The following NCALD variants were observed in gnomAD, a reference collection of about 807,000 sequenced individuals.
NCALD encodes the protein neurocalcin-delta.
Under a neutral mutation model 18.6 loss-of-function variants are expected in NCALD, and 10 were observed. The ratio of observed to expected loss-of-function variants is 0.54; its 90% CI spans 0.33 to 0.91. The LOEUF (loss-of-function observed/expected upper bound fraction) is 0.91. Among genes scored for constraint, NCALD ranks in the 40% least tolerant of loss-of-function variants. The pLI is 0.03. For synonymous variants in NCALD, 88 were observed against 87.4 expected (o/e 1.01, Z -0.04); for missense variants, 184 against 247.6 (o/e 0.74, Z 1.72).
chr8:101,907,655 G>A (rs1331468684), intron 3 of NCALD, among the ~76,000 whole-genome samples: 2 of 152,062 alleles, frequency 1.3e-5, no homozygotes, highest in Admixed American at 1.3e-4. Flanking sequence ...AACCCGCAGA[G>A]GGGACGGGAC....
At chr8:101,917,787 C>T (rs376670619) in intron 2 of NCALD, among the ~76,000 whole-genome samples, 1 of 152,008 alleles carries the variant, frequency 6.6e-6, no homozygotes, top group Non-Finnish European at 1.5e-5. Flanking sequence ...GAACTTGAAA[C>T]CCTTAGCAGA....
intron 2 of NCALD, among the ~76,000 whole-genome samples, chr8:101,991,769 G>C (rs1821057675): frequency 6.6e-6 from 1 of 152,174 alleles, no homozygotes; most frequent in Non-Finnish European, 1.5e-5. Flanking sequence ...AAATCTGTTG[G>C]TGCTTTTCCT....
intron 4 of NCALD, among the ~76,000 whole-genome samples, chr8:101,875,207 T>C (rs1266634071): frequency 6.6e-6 from 1 of 152,166 alleles, no homozygotes; most frequent in Non-Finnish European, 1.5e-5. Flanking sequence ...AGAGGTAAAG[T>C]CATTTGTTCC....
At chr8:102,081,528 G>A (rs1824524367) in intron 1 of NCALD, among the ~76,000 whole-genome samples, 1 of 109,470 alleles carries the variant, frequency 9.1e-6, no homozygotes, top group Non-Finnish European at 1.8e-5. Flanking sequence ...TTAAGTCAAG[G>A]AGAATTCAAA....
Position 101,892,016 on chromosome 8 carries a change from T to C in NCALD, c.-106-4789A>G, listed in dbSNP as rs563095604. ...CGAACTGGGTGGGGCCCACCACAGC[T>C]CAAGGAGGCCTGGCTGCCTCTGTAG... On this transcript the variant is annotated intron_variant, in intron 3 of 6. Transcript: ENST00000311028. 9.0e-4 allele frequency among the ~76,000 whole-genome samples: 137 copies of C among 152,120 alleles called. 1 individual carries two copies. Among genetic ancestry groups the C allele is most frequent in the African/African-American group, 3.2e-3 (132 of 41,464 alleles).
At chr8:101,985,317 G>T (rs993318516) in intron 2 of NCALD, among the ~76,000 whole-genome samples, 11 of 152,132 alleles carry the variant, frequency 7.2e-5, no homozygotes, top group African/African-American at 2.7e-4. Context: ...CCCAGCTGAT[G>T]GTATGCAGAA....
intron 1 of NCALD, among the ~76,000 whole-genome samples, chr8:102,034,122 A>G (rs1026123450): frequency 2.0e-5 from 3 of 152,156 alleles, no homozygotes; most frequent in Admixed American, 6.6e-5. Flanking sequence ...AGATTTGTAT[A>G]TAGAACTCAC....
intron 1 of NCALD, among the ~76,000 whole-genome samples, chr8:101,771,347 G>A (rs530660337): frequency 6.6e-6 from 1 of 152,310 alleles, no homozygotes; most frequent in Admixed American, 6.5e-5. Context: ...GGATGCAGGA[G>A]CATGAAGCAT....
At chr8:101,944,812 G>A (rs138479555) in intron 2 of NCALD, among the ~76,000 whole-genome samples, 49 of 152,276 alleles carry the variant, frequency 3.2e-4, no homozygotes, top group African/African-American at 1.0e-3. Context: ...TTCCTGTCAG[G>A]CCCAAGAGTA....
chr8:101,753,419 C>T (rs1349508645), intron 1 of NCALD, among the ~76,000 whole-genome samples: 1 of 152,090 alleles, frequency 6.6e-6, no homozygotes, highest in Admixed American at 6.6e-5. Flanking sequence ...TGGTGGTTAC[C>T]CACAACCATT....
chr8:101,897,097 C>T (rs1178681134), intron 3 of NCALD, among the ~76,000 whole-genome samples: 1 of 64,074 alleles, frequency 1.6e-5, no homozygotes, highest in African/African-American at 8.6e-5. Context: ...TTCACAATAG[C>T]AAAGACTTGG....
intron 1 of NCALD, among the ~76,000 whole-genome samples, chr8:101,781,240 G>A (rs1812001366): frequency 6.6e-6 from 1 of 152,114 alleles, no homozygotes. Context: ...CCTGGCAGTT[G>A]GGCTTGTACC....
At chr8:102,106,386 T>C (rs1825449299) in intron 1 of NCALD, among the ~76,000 whole-genome samples, 1 of 151,582 alleles carries the variant, frequency 6.6e-6, no homozygotes, top group African/African-American at 2.4e-5. Context: ...ACAACAATTT[T>C]CTAAATAGTT....
rs142986265 is a variant in NCALD, at chr8:102,078,692, C to A, written c.-210+45545G>T. ...TTGTCTTCCCCAGATCTTCGCATTG[C>A]AGGCTCTGCCCATGATTCAAGTCTA... On this transcript the variant is annotated intron_variant, in intron 1 of 6. Coordinates refer to the NCALD transcript ENST00000311028. 4.7e-4 allele frequency among the ~76,000 whole-genome samples: 72 copies of A among 152,362 alleles called. No individual in the cohort carries two copies. The East Asian group carries it at 0.013, about 27-fold the overall frequency.
Position 102,117,375 on chromosome 8 carries a change from T to C in NCALD, c.-210+6862A>G, listed in dbSNP as rs943115405. On this transcript the variant is annotated intron_variant, in intron 1 of 6. Transcript: ENST00000311028. Reference sequence around the variant, plus strand: ...CCTTTCCCTCAGTACAGTGCTTTCATGTATGTGAAGAAAAGAATATAAAAG... The same window carrying C: ...CCTTTCCCTCAGTACAGTGCTTTCACGTATGTGAAGAAAAGAATATAAAAG... Among the ~76,000 whole-genome samples, 29 of 152,164 alleles carry C rather than the reference T, an allele frequency of 1.9e-4. 1 individual carries two copies. The highest frequency in any genetic ancestry group is 6.8e-4 in the African/African-American group (28 of 41,434).
rs1326785955 is a variant in NCALD at position 101,924,597 on chromosome 8, A to T, written c.-156-8739T>A. 2.0e-5 allele frequency among the ~76,000 whole-genome samples: 3 copies of T among 152,344 alleles called. No individual in the cohort carries two copies. In the East Asian group the frequency reaches 5.8e-4, roughly 29 times the overall value. On this transcript the variant is annotated intron_variant, in intron 2 of 6. Transcript: ENST00000311028. ...CATCCTCTCAGGGGCACTTAGCATA[A>T]GCTAAATATACACACAACACAGCTG... is the stretch of plus-strand genomic sequence containing the variant.
chr8:101,978,074 T>C (rs971101500), intron 2 of NCALD, among the ~76,000 whole-genome samples: 10 of 151,778 alleles, frequency 6.6e-5, no homozygotes, highest in African/African-American at 1.9e-4. Flanking sequence ...GCCTCGTCCA[T>C]ACAGCAACCA....
intron 1 of NCALD, among the ~76,000 whole-genome samples, chr8:102,026,737 G>A (rs1822472246): frequency 6.6e-6 from 1 of 152,166 alleles, no homozygotes; most frequent in Non-Finnish European, 1.5e-5. Context: ...GTGCCCCAGT[G>A]GAGGCTCTGA....
chr8:101,715,419 G>T (rs1816028101), intron 2 of NCALD, among the ~76,000 whole-genome samples: 1 of 152,118 alleles, frequency 6.6e-6, no homozygotes, highest in African/African-American at 2.4e-5. Context: ...ATAGGCATGG[G>T]CAAAGACTTC....
Sources: gnomAD v4.1 joint callset for allele counts (sites outside exome capture counted in the v4.1 genomes callset) on GRCh38, gnomAD v4.1.1 for gene constraint, MANE v1.5 for transcripts, NCBI Gene and HGNC (gene_info 2026-07-23, HGNC 2026-07-21) for gene names.